Variants in ADAM12 observed in about 807,000 individuals in gnomAD.
ADAM12 encodes the protein disintegrin and metalloproteinase domain-containing protein 12.
ADAM12 carries 70 observed loss-of-function variants against 106.4 expected under a neutral mutation model. The ratio of observed to expected loss-of-function variants is 0.66; its 90% confidence interval spans 0.54 to 0.80. The LOEUF is 0.80. Ranked by LOEUF, ADAM12 falls within the 30% of genes least tolerant of loss-of-function variation. ADAM12 has a pLI of 0.00. For missense variants in ADAM12, 1,010 were observed against 1,171.9 expected, an observed-to-expected ratio of 0.86 and a Z score of 2.02; for synonymous variants, 420 against 433.5, an observed-to-expected ratio of 0.97 and a Z score of 0.39.
At chr10:126,243,554 T>C (rs1321948476) in intron 3 of ADAM12, among the ~76,000 whole-genome samples, 1 of 151,506 alleles carries the variant, frequency 6.6e-6, no homozygotes, top group Non-Finnish European at 1.5e-5. Flanking sequence ...CTTATGGGTG[T>C]GTGTGTAGGC....
At chr10:126,358,330 G>A (rs11244966) in intron 1 of ADAM12, among the ~76,000 whole-genome samples, 1 of 152,112 alleles carries the variant, frequency 6.6e-6, no homozygotes, top group Non-Finnish European at 1.5e-5. Context: ...GAGATGGAAG[G>A]ATGTTTCAAC....
At chr10:126,235,378 A>AAG (rs949196475) in intron 3 of ADAM12, among the ~76,000 whole-genome samples, 4 of 152,206 alleles carry the variant, frequency 2.6e-5, no homozygotes, top group Admixed American at 1.3e-4. Context: ...ACTCCAGAGC[A>AAG]AGAGAGGACA....
chr10:126,114,446 TG>T (rs1955942893), intron 6 of ADAM12, among the ~76,000 whole-genome samples: 1 of 152,100 alleles, frequency 6.6e-6, no homozygotes, highest in African/African-American at 2.4e-5. Context: ...GCCAAGGAAG[TG>T]GTGCTGCCCC....
intron 3 of ADAM12, among the ~76,000 whole-genome samples, chr10:126,167,804 G>A (rs1295362291): frequency 6.6e-6 from 1 of 152,208 alleles, no homozygotes; most frequent in Non-Finnish European, 1.5e-5. Context: ...GGTCTATGAT[G>A]TGGGAGGACA....
chr10:126,364,139 CTTTT>C (rs374124944), intron 1 of ADAM12, among the ~76,000 whole-genome samples: 1 of 150,952 alleles, frequency 6.6e-6, no homozygotes, highest in Admixed American at 6.6e-5. Flanking sequence ...GTATCCAATA[CTTTT>C]TTTTTTAAAA....
chr10:126,157,020 T>C (rs967983003), intron 3 of ADAM12, among the ~76,000 whole-genome samples: 2 of 144,088 alleles, frequency 1.4e-5, no homozygotes, highest in African/African-American at 5.1e-5. Context: ...TTTGGTTTTG[T>C]GTGTGTGTGT....
chr10:126,294,666 C>G (rs1327969784), intron 2 of ADAM12, among the ~76,000 whole-genome samples: 1 of 152,088 alleles, frequency 6.6e-6, no homozygotes, highest in African/African-American at 2.4e-5. Flanking sequence ...AGAGTCAAGA[C>G]AGCTAACAGA....
intron 3 of ADAM12, among the ~76,000 whole-genome samples, chr10:126,231,075 G>A (rs896297333): frequency 6.6e-6 from 1 of 152,174 alleles, no homozygotes; most frequent in African/African-American, 2.4e-5. Flanking sequence ...GCATTGTCCT[G>A]TAAATGGAAG....
At position 126,075,361 on chromosome 10, in the gene ADAM12, A is replaced by G. The variant is rs769363859; in HGVS notation, c.1146-3707T>C. 2.8e-4 allele frequency among the ~76,000 whole-genome samples: 42 copies of G among 152,182 alleles called. 1 individual carries two copies. Among genetic ancestry groups the G allele is most frequent in the Non-Finnish European group, 1.5e-4 (10 of 68,026 alleles). ...AGAAAATCAGAACAGCCTATCACAC[A>G]TCATTCCATTATTCCCCAAGTATTT... On this transcript the variant is annotated intron_variant, in intron 11 of 22. Transcript: ENST00000448723.
chr10:126,035,799 A>G (rs1437094771), intron 21 of ADAM12, among the ~76,000 whole-genome samples: 1 of 152,196 alleles, frequency 6.6e-6, no homozygotes, highest in East Asian at 1.9e-4. Context: ...TAGGGTGACC[A>G]TCTGTCTTAG....
chr10:126,150,532 C>T (rs564044580), intron 4 of ADAM12, among the ~76,000 whole-genome samples: 12 of 152,278 alleles, frequency 7.9e-5, no homozygotes, highest in Admixed American at 3.3e-4. Context: ...ATCCAATGGC[C>T]TAAGTGGAAG....
chr10:126,312,094 C>T (rs1364320796), intron 2 of ADAM12, among the ~76,000 whole-genome samples: 1 of 147,618 alleles, frequency 6.8e-6, no homozygotes, highest in Non-Finnish European at 1.5e-5. Flanking sequence ...TGTAGGACAC[C>T]CAACTGGTGT....
chr10:126,083,375 G>C lies in ADAM12; in HGVS notation c.1145+10610C>G, dbSNP rs147194034. Among the ~76,000 whole-genome samples the C allele has an allele frequency of 2.7e-3, 410 of 152,348 alleles. 2 individuals carry two copies. The highest frequency in any genetic ancestry group is 9.2e-3 in the African/African-American group (384 of 41,604). Reference sequence around the variant, plus strand: ...TTCCCACTCAACCACACCGTCTCGAGGGCTATCAGGAGCTGCCCCAGGGCA... The same window carrying C: ...TTCCCACTCAACCACACCGTCTCGACGGCTATCAGGAGCTGCCCCAGGGCA... On this transcript the variant is annotated intron_variant, in intron 11 of 22. Transcript: ENST00000448723.
intron 1 of ADAM12, among the ~76,000 whole-genome samples, chr10:126,355,459 G>C (rs1855508183): frequency 6.6e-6 from 1 of 152,140 alleles, no homozygotes; most frequent in Non-Finnish European, 1.5e-5. Flanking sequence ...GGAACATGTG[G>C]GTCAAAACCC....
intron 3 of ADAM12, among the ~76,000 whole-genome samples, chr10:126,234,564 G>A (rs892367735): frequency 6.6e-6 from 1 of 152,222 alleles, no homozygotes; most frequent in Admixed American, 6.5e-5. Flanking sequence ...AATGAGTTGG[G>A]TATGGAGGAG....
chr10:126,381,487 A>G (rs149864929), intron 1 of ADAM12, among the ~76,000 whole-genome samples: 1 of 152,082 alleles, frequency 6.6e-6, no homozygotes, highest in South Asian at 2.1e-4. Flanking sequence ...AAAATTTAAA[A>G]ATTATATTTT....
intron 10 of ADAM12, among the ~76,000 whole-genome samples, chr10:126,097,200 A>G (rs1453070188): frequency 6.6e-6 from 1 of 152,256 alleles, no homozygotes. Flanking sequence ...AAAAATGTAC[A>G]GTCTGCTCTG....
chr10:126,263,258 G>A (rs917235476), intron 3 of ADAM12, among the ~76,000 whole-genome samples: 9 of 152,136 alleles, frequency 5.9e-5, no homozygotes, highest in Non-Finnish European at 1.0e-4. Context: ...TACTGAGGCC[G>A]AACATCTTAG....
rs140774288 is a variant in ADAM12 at position 126,340,166 on chromosome 10, T to C, written c.89-9657A>G. Among the ~76,000 whole-genome samples, 332 of 152,282 alleles carry C rather than the reference T, an allele frequency of 2.2e-3. 2 individuals are homozygous for C. Among genetic ancestry groups the C allele is most frequent in the African/African-American group, 7.7e-3 (320 of 41,554 alleles). ...CAGTGCCCAGCCCCGTTCTAGGGCT[T>C]TTAAGCAGGCTAACTCTGACCCATA... is the stretch of plus-strand genomic sequence containing the variant. On this transcript the variant is annotated intron_variant, in intron 1 of 22. Transcript: ENST00000448723.
Sources: gnomAD v4.1 joint callset for allele counts (sites outside exome capture counted in the v4.1 genomes callset) on GRCh38, gnomAD v4.1.1 for gene constraint, MANE v1.5 for transcripts, NCBI Gene and HGNC (gene_info 2026-07-23, HGNC 2026-07-21) for gene names.